The following ZFP1 variants were observed in gnomAD, a reference collection of about 807,000 sequenced individuals.
ZFP1 encodes zinc finger protein 1 homolog.
A neutral mutation model predicts 38.5 loss-of-function variants in ZFP1; 32 were observed. That is an observed-to-expected ratio of 0.83 (90% CI 0.63 to 1.12). The LOEUF (loss-of-function observed/expected upper bound fraction) is 1.12. Among genes scored for constraint, ZFP1 ranks in the 50% most tolerant of loss-of-function variants. The pLI is 0.00. For missense variants in ZFP1, 616 were observed against 480.8 expected (o/e 1.28, Z -2.63); for synonymous variants, 245 against 168.8 (o/e 1.45, Z -3.50).
chr16:75,167,687 C>A (rs1036485676), intron 3 of ZFP1, among the ~76,000 whole-genome samples: 1 of 152,156 alleles, frequency 6.6e-6, no homozygotes, highest in African/African-American at 2.4e-5. Flanking sequence ...GTAGCGTCCA[C>A]CTCCTGAGCT....
the ZFP1 span, among the ~76,000 whole-genome samples, chr16:75,123,332 C>A: frequency 6.8e-6 from 1 of 147,026 alleles, no homozygotes; most frequent in African/African-American, 2.5e-5. Context: ...CCAGCCTGGG[C>A]GACACAGAGA....
At chr16:75,161,324 C>G (rs972810488) in intron 2 of ZFP1, among the ~76,000 whole-genome samples, 5 of 151,992 alleles carry the variant, frequency 3.3e-5, no homozygotes, top group African/African-American at 1.2e-4. Context: ...CCGCCTCGGC[C>G]TCTCAAAGTG....
At chr16:75,126,960 T>C in the ZFP1 span, among the ~76,000 whole-genome samples, 2 of 152,332 alleles carry the variant, frequency 1.3e-5, no homozygotes, top group African/African-American at 2.4e-5. Flanking sequence ...TGTATTCCTA[T>C]AAATATGTTA....
intron 2 of ZFP1, among the ~76,000 whole-genome samples, chr16:75,165,989 C>T (rs975358724): frequency 1.3e-5 from 2 of 152,104 alleles, no homozygotes; most frequent in African/African-American, 4.8e-5. Flanking sequence ...CTGTTAAATT[C>T]AACCATGTAT....
At chr16:75,162,239 C>T (rs2037824789) in intron 2 of ZFP1, among the ~76,000 whole-genome samples, 1 of 152,044 alleles carries the variant, frequency 6.6e-6, no homozygotes, top group Non-Finnish European at 1.5e-5. Context: ...CCTCCCACCT[C>T]AGCCCCCTAT....
chr16:75,159,233 T>TC (rs1179440727), intron 2 of ZFP1, among the ~76,000 whole-genome samples: 16 of 150,876 alleles, frequency 1.1e-4, no homozygotes, highest in South Asian at 8.5e-4. Context: ...CTTCATTCCT[T>TC]CCTTCCTTCC....
At chr16:75,123,455 G>GTGTGTGTA in the ZFP1 span, among the ~76,000 whole-genome samples, 1 of 87,292 alleles carries the variant, frequency 1.1e-5, no homozygotes, top group African/African-American at 4.8e-5. Flanking sequence ...GTGTGTATAT[G>GTGTGTGTA]TATATATATA....
At chr16:75,169,218 G>C (rs1450382378) in intron 3 of ZFP1, 35 bp from the exon 4 acceptor site, 13 of 1,563,600 alleles carry the variant, frequency 8.3e-6, no homozygotes, top group Non-Finnish European at 7.8e-6. Context: ...CGGAGGCATT[G>C]ACAAGGTTCT....
the ZFP1 span, among the ~76,000 whole-genome samples, chr16:75,137,461 C>CTTTTTTTTTTTTTTTTT: frequency 1.1e-5 from 1 of 89,416 alleles, no homozygotes; most frequent in African/African-American, 4.4e-5. Flanking sequence ...AAAAAAAATT[C>CTTTTTTTTTTTTTTTTT]TTTTTTTTTT....
intron 2 of ZFP1, among the ~76,000 whole-genome samples, chr16:75,159,006 C>G (rs2037611425): frequency 1.3e-5 from 2 of 151,378 alleles, no homozygotes; most frequent in African/African-American, 4.9e-5. Context: ...AAGTGATCCT[C>G]CCACTTCAGC....
chr16:75,170,334 A>G lies in ZFP1; in HGVS notation c.1224A>G (p.Ter408TrpextTer49), dbSNP rs2038358505. 3 of 1,565,952 alleles carry G rather than the reference A, an allele frequency of 1.9e-6. No homozygotes were observed. Among genetic ancestry groups the G allele is most frequent in the South Asian group, 1.2e-5 (1 of 82,892 alleles). Reference sequence around the variant, plus strand: ...GAGTTCACATCGGGGAGAAACCCTGAAACTCCAGCCAGGTCTTACTGTGGA... The same window carrying G: ...GAGTTCACATCGGGGAGAAACCCTGGAACTCCAGCCAGGTCTTACTGTGGA... ...HQRVHIGEKP[*>W] is the part of the protein sequence containing the mutation. Residue 408 changes from the stop codon to tryptophan (W), a stop_lost, in exon 4 of 4, where the codon TGA becomes TGG. Transcript: ENST00000570010.
the ZFP1 span, among the ~76,000 whole-genome samples, chr16:75,139,640 G>A: frequency 6.6e-6 from 1 of 152,086 alleles, no homozygotes; most frequent in Non-Finnish European, 1.5e-5. Flanking sequence ...TGGGATTACA[G>A]GCATGAGCTA....
the ZFP1 span, among the ~76,000 whole-genome samples, chr16:75,120,168 C>T: frequency 6.6e-6 from 1 of 151,864 alleles, no homozygotes; most frequent in South Asian, 2.1e-4. Context: ...TGCGCATGTG[C>T]GTGTGTGTGT....
In ZFP1 at chr16:75,166,914, G is replaced by A. The variant is rs375285545; in HGVS notation, c.142+18G>A. 10 of 1,610,940 alleles carry A rather than the reference G, an allele frequency of 6.2e-6. No individual in the cohort carries two copies. In the African/African-American group the frequency reaches 6.7e-5, roughly 11 times the overall value. On this transcript the variant is annotated intron_variant, in intron 3 of 3. Coordinates refer to ENST00000570010, the MANE Select transcript of ZFP1 (RefSeq NM_153688.4). The stretch of plus-strand genomic sequence containing the variant: ...TTCAGTGGGTAAGGACGGTTTTCAG[G>A]TACAGCTCACCATGTGCCTAGAGGT...
chr16:75,131,352 T>C, the ZFP1 span, among the ~76,000 whole-genome samples: 1 of 152,172 alleles, frequency 6.6e-6, no homozygotes, highest in Non-Finnish European at 1.5e-5. Context: ...AAGAAAAGAC[T>C]TCACAACTCT....
rs559913105 is a variant in ZFP1, at chr16:75,158,989, C to G, written c.15+6023C>G. ...TCCATTCACTGCAACCTCTGCCTCC[C>G]AGGCTCAAGTGATCCTCCCACTTCA... On this transcript the variant is annotated intron_variant, in intron 2 of 3. Transcript: ENST00000570010. 1.8e-3 allele frequency among the ~76,000 whole-genome samples: 269 copies of G among 151,370 alleles called. 3 individuals are homozygous for G. The highest frequency in any genetic ancestry group is 6.3e-3 in the African/African-American group (259 of 41,246).
rs926343302 is a variant in ZFP1, at chr16:75,171,948, C to T, written c.*1614C>T. On this transcript the variant is annotated 3_prime_UTR_variant, in exon 4 of 4. Coordinates refer to ENST00000570010, the MANE Select transcript of ZFP1 (RefSeq NM_153688.4). ...TACAACCTAGGAATCTCCTGGGAAT[C>T]TATCCCTAAGGAATAAAAAGCGCCA... 6 of 152,196 alleles carry T rather than the reference C, an allele frequency of 3.9e-5. No homozygotes were observed. The highest frequency in any genetic ancestry group is 1.2e-4 in the African/African-American group (5 of 41,446). 9.4% of individuals were successfully genotyped at this position (152,196 alleles called of 1,614,324 possible). A position where few individuals can be genotyped will look rare whatever the true frequency, so the allele number is the denominator to read the frequency against.
In ZFP1 at chr16:75,170,322, G is replaced by T; in HGVS notation, c.1212G>T (p.Gly404=). The change falls in exon 4 of 4, where the codon GGG becomes GGT. Residue 404 remains glycine (G), a synonymous_variant. Transcript: ENST00000570010. ...RLSVHQRVHI[G]EKP ...GTGTCCATCAGAGAGTTCACATCGG[G>T]GAGAAACCCTGAAACTCCAGCCAGG... is the stretch of plus-strand genomic sequence containing the variant. 1 of 1,575,768 alleles carries T rather than the reference G, an allele frequency of 6.3e-7. No individual in the cohort carries two copies. The highest frequency in any genetic ancestry group is 8.6e-7 in the Non-Finnish European group (1 of 1,160,488).
the ZFP1 span, among the ~76,000 whole-genome samples, chr16:75,130,601 G>A: frequency 1.3e-5 from 2 of 152,092 alleles, no homozygotes; most frequent in Non-Finnish European, 1.5e-5. Context: ...TCCGTTTCAG[G>A]TTTTTGTATC....
Sources: allele counts gnomAD v4.1 joint callset (sites outside exome capture counted in the v4.1 genomes callset), GRCh38; gene constraint gnomAD v4.1.1; transcripts MANE v1.5; gene names NCBI Gene and HGNC (gene_info 2026-07-23, HGNC 2026-07-21).